MTSS1: variants seen among roughly 807,000 people sequenced by gnomAD.
MTSS1 encodes MTSS I-BAR domain containing 1.
Under a neutral mutation model 79.0 loss-of-function variants are expected in MTSS1, and 18 were observed. That is an observed-to-expected ratio of 0.23 (90% CI 0.16 to 0.34). MTSS1 has a LOEUF of 0.34. Among genes scored for constraint, MTSS1 ranks in the 10% least tolerant of loss-of-function variants. MTSS1 has a pLI of 1.00. For missense variants in MTSS1, 815 were observed against 986.2 expected, an observed-to-expected ratio of 0.83 and a Z score of 2.33; for synonymous variants, 341 against 368.6, an observed-to-expected ratio of 0.93 and a Z score of 0.86.
chr8:124,592,814 G>A (rs1047295955), intron 3 of MTSS1, among the ~76,000 whole-genome samples: 1 of 152,194 alleles, frequency 6.6e-6, no homozygotes, highest in Non-Finnish European at 1.5e-5. Flanking sequence ...GGGCTGTGCA[G>A]TGTGAGATGT....
intron 3 of MTSS1, among the ~76,000 whole-genome samples, chr8:124,693,780 C>T (rs1587842922): frequency 6.6e-6 from 1 of 152,230 alleles, no homozygotes. Context: ...GCTTCCTCCA[C>T]TTCCTTTGTA....
At chr8:124,709,951 T>C (rs1189871804) in intron 1 of MTSS1, among the ~76,000 whole-genome samples, 4 of 152,230 alleles carry the variant, frequency 2.6e-5, no homozygotes, top group Non-Finnish European at 4.4e-5. Flanking sequence ...CCCCAACTTA[T>C]CACATCATAC....
chr8:124,614,514 C>T (rs1381871195), intron 3 of MTSS1, among the ~76,000 whole-genome samples: 2 of 152,214 alleles, frequency 1.3e-5, no homozygotes, highest in African/African-American at 4.8e-5. Context: ...GTGGCAGAGC[C>T]ACCAGCAAAG....
intron 3 of MTSS1, among the ~76,000 whole-genome samples, chr8:124,695,335 T>TAAAAA (rs33998723): frequency 6.9e-6 from 1 of 144,730 alleles, no homozygotes; most frequent in East Asian, 2.0e-4. Context: ...TCAAGAGGGA[T>TAAAAA]AAAAAAAAAA....
At chr8:124,604,236 A>G (rs1415649141) in intron 3 of MTSS1, among the ~76,000 whole-genome samples, 1 of 151,982 alleles carries the variant, frequency 6.6e-6, no homozygotes, top group Non-Finnish European at 1.5e-5. Flanking sequence ...ATAAAATAAA[A>G]TAAAAGCAAA....
intron 1 of MTSS1, among the ~76,000 whole-genome samples, chr8:124,725,625 G>T (rs1389183732): frequency 1.3e-5 from 2 of 152,160 alleles, no homozygotes; most frequent in African/African-American, 4.8e-5. Flanking sequence ...AAGAGAACAA[G>T]AGGATAAGCA....
Position 124,562,813 on chromosome 8 carries a change from G to T in MTSS1, c.1004C>A (p.Pro335Gln). 1.2e-6 allele frequency: 2 copies of T among 1,614,176 alleles called. No individual in the cohort carries two copies. Among genetic ancestry groups the T allele is most frequent in the Non-Finnish European group, 1.7e-6 (2 of 1,180,026 alleles). ...GGGGGCCTCTGGCGGCATGGGGGAT[G>T]GTGACTTGGACTGGAAGGCATCCTG... ...ISQDAFQSKS[P>Q]SPMPPEAPNQ... The change falls in exon 10 of 14, where the codon CCA becomes CAA. Residue 335 changes from proline to glutamine, a missense_variant. Physicochemically the swap from Pro to Gln is moderately conservative, Grantham distance 76. Transcript: ENST00000518547.
At chr8:124,624,142 A>C (rs1330129692) in intron 3 of MTSS1, among the ~76,000 whole-genome samples, 1 of 152,204 alleles carries the variant, frequency 6.6e-6, no homozygotes. Context: ...TCCTATTTGA[A>C]AAGGTTTGTC....
intron 3 of MTSS1, among the ~76,000 whole-genome samples, chr8:124,661,531 C>T (rs1822026285): frequency 6.6e-6 from 1 of 152,180 alleles, no homozygotes; most frequent in Non-Finnish European, 1.5e-5. Flanking sequence ...TACGTGTGAC[C>T]ATCAGCTTGA....
chr8:124,706,889 C>G (rs750708031), intron 1 of MTSS1, among the ~76,000 whole-genome samples: 8 of 152,128 alleles, frequency 5.3e-5, no homozygotes, highest in Non-Finnish European at 1.0e-4. Context: ...TAAGAACACC[C>G]CTTGTACACC....
At chr8:124,605,609 T>TCTCGCTGCCTCCCTCCCTGCCCC (rs1834680704) in intron 3 of MTSS1, among the ~76,000 whole-genome samples, 1 of 146,530 alleles carries the variant, frequency 6.8e-6, no homozygotes, top group Non-Finnish European at 1.5e-5. Context: ...CTCCCTGCCC[T>TCTCGCTGCCTCCCTCCCTGCCCC]CGCGCTGCCT....
intron 6 of MTSS1, among the ~76,000 whole-genome samples, chr8:124,574,404 CTG>C (rs1563779567): frequency 1.3e-5 from 2 of 152,148 alleles, no homozygotes; most frequent in Non-Finnish European, 2.9e-5. Context: ...GATGGGGAAA[CTG>C]AGACTGAGGG....
At chr8:124,717,559 C>A (rs1020645108) in intron 1 of MTSS1, among the ~76,000 whole-genome samples, 1 of 150,542 alleles carries the variant, frequency 6.6e-6, no homozygotes, top group African/African-American at 2.5e-5. Context: ...TGCACCACTG[C>A]ACACTCCGGC....
intron 3 of MTSS1, among the ~76,000 whole-genome samples, chr8:124,634,421 T>C (rs1816626483): frequency 6.6e-6 from 1 of 152,124 alleles, no homozygotes; most frequent in South Asian, 2.1e-4. Context: ...GTGCTGGGAT[T>C]ATGGGCGTGA....
intron 1 of MTSS1, among the ~76,000 whole-genome samples, chr8:124,715,018 A>G (rs902651446): frequency 4.6e-5 from 7 of 152,330 alleles, no homozygotes; most frequent in African/African-American, 1.7e-4. Context: ...CACATTAGAT[A>G]TTGAACCTGA....
chr8:124,653,809 C>T (rs951928261), intron 3 of MTSS1, among the ~76,000 whole-genome samples: 4 of 152,210 alleles, frequency 2.6e-5, no homozygotes, highest in Admixed American at 6.5e-5. Context: ...CCCTTTTCCC[C>T]CTAGGATATA....
At chr8:124,638,320 C>T (rs1563912301) in intron 3 of MTSS1, among the ~76,000 whole-genome samples, 2 of 152,188 alleles carry the variant, frequency 1.3e-5, no homozygotes, top group Non-Finnish European at 2.9e-5. Flanking sequence ...CTCTTCAACC[C>T]ATGGAGCTAA....
chr8:124,554,082 T>G (rs1823062205), intron 13 of MTSS1, among the ~76,000 whole-genome samples: 1 of 152,222 alleles, frequency 6.6e-6, no homozygotes, highest in Non-Finnish European at 1.5e-5. Flanking sequence ...TAGACTAGCC[T>G]AGGCTATAAC....
At chr8:124,652,790 G>A (rs1289525515) in intron 3 of MTSS1, among the ~76,000 whole-genome samples, 14 of 112,840 alleles carry the variant, frequency 1.2e-4, no homozygotes, top group African/African-American at 4.9e-4. Flanking sequence ...GCGAGACTCC[G>A]TCTCAAAAAA....
Sources: allele counts gnomAD v4.1 joint callset (sites outside exome capture counted in the v4.1 genomes callset), GRCh38; gene constraint gnomAD v4.1.1; transcripts MANE v1.5; gene names NCBI Gene and HGNC (gene_info 2026-07-23, HGNC 2026-07-21).